Variants in RUNDC3B observed in about 807,000 individuals in gnomAD.
The protein encoded by RUNDC3B is RUN domain-containing protein 3B.
RUNDC3B carries 33 observed loss-of-function variants against 58.4 expected under a neutral mutation model. That is an observed-to-expected ratio of 0.56 (90% CI 0.43 to 0.75). The LOEUF is 0.75. Ranked by LOEUF, RUNDC3B falls within the 30% of genes least tolerant of loss-of-function variation. The pLI is 0.00. For missense variants in RUNDC3B, 501 were observed against 535.7 expected, an observed-to-expected ratio of 0.94 and a Z score of 0.64; for synonymous variants, 193 against 195.2, an observed-to-expected ratio of 0.99 and a Z score of 0.10.
At chr7:87,773,649 T>A (rs1219411917) in intron 7 of RUNDC3B, among the ~76,000 whole-genome samples, 1 of 141,114 alleles carries the variant, frequency 7.1e-6, no homozygotes, top group Non-Finnish European at 1.5e-5. Context: ...TGTTTTGTTT[T>A]TGTCTTGTCT....
chr7:87,810,722 G>A (rs907852933), intron 9 of RUNDC3B, among the ~76,000 whole-genome samples: 4 of 151,764 alleles, frequency 2.6e-5, no homozygotes, highest in African/African-American at 7.3e-5. Flanking sequence ...TTTATTTATC[G>A]ATCACTTAGA....
chr7:87,802,263 G>A (rs570850682), intron 8 of RUNDC3B, among the ~76,000 whole-genome samples: 10 of 152,078 alleles, frequency 6.6e-5, no homozygotes, highest in African/African-American at 2.2e-4. Flanking sequence ...CATGGTGGTT[G>A]CATGCTTGTA....
chr7:87,735,530 C>T (rs1240379421), intron 4 of RUNDC3B, among the ~76,000 whole-genome samples: 2 of 152,220 alleles, frequency 1.3e-5, no homozygotes, highest in Non-Finnish European at 2.9e-5. Flanking sequence ...GGTTTCCCTA[C>T]TCTAGCTGTG....
At chr7:87,741,648 C>T in intron 6 of RUNDC3B, 69 bp downstream of exon 6, 1 of 822,894 alleles carries the variant, frequency 1.2e-6, no homozygotes, top group South Asian at 1.7e-5. Context: ...CAATGTTTGT[C>T]TGATCAAAAC....
chr7:87,740,896 G>T (rs1832279635), intron 5 of RUNDC3B, among the ~76,000 whole-genome samples: 1 of 151,930 alleles, frequency 6.6e-6, no homozygotes, highest in African/African-American at 2.4e-5. Context: ...TTGTTTGTTT[G>T]TTGTTTTATT....
chr7:87,802,643 T>A (rs1486046127), intron 8 of RUNDC3B, among the ~76,000 whole-genome samples: 1 of 152,252 alleles, frequency 6.6e-6, no homozygotes, highest in Non-Finnish European at 1.5e-5. Flanking sequence ...GATTATTACA[T>A]GCCTCTGTCA....
chr7:87,628,771 T>C lies in RUNDC3B; in HGVS notation c.-53T>C, dbSNP rs1217036370. On this transcript the variant is annotated 5_prime_UTR_variant, in exon 1 of 11. Coordinates refer to ENST00000394654, the MANE Select transcript of RUNDC3B (RefSeq NM_001134405.2). ...GAGCGAGAACCCCCTTAAGCAGGTG[T>C]GGGGGGCGTGCGGGGTGGCACGAGA... 3 of 1,098,530 alleles carry C rather than the reference T, an allele frequency of 2.7e-6. No individual in the cohort carries two copies. The highest frequency in any genetic ancestry group is 3.2e-5 in the African/African-American group (2 of 61,626). 68.0% of individuals were successfully genotyped at this position (1,098,530 alleles called of 1,614,324 possible).
At chr7:87,671,678 AC>A (rs1825837796) in intron 2 of RUNDC3B, among the ~76,000 whole-genome samples, 1 of 152,096 alleles carries the variant, frequency 6.6e-6, no homozygotes, top group South Asian at 2.1e-4. Context: ...GGGAGGTCCC[AC>A]CCAGTAAGAA....
chr7:87,741,021 G>A (rs967351737), intron 5 of RUNDC3B, among the ~76,000 whole-genome samples: 3 of 151,830 alleles, frequency 2.0e-5, no homozygotes, highest in Non-Finnish European at 4.4e-5. Flanking sequence ...CCTGGCCAAC[G>A]TGGCGAAACC....
chr7:87,782,675 T>C (rs1834999952), intron 8 of RUNDC3B, among the ~76,000 whole-genome samples: 1 of 152,172 alleles, frequency 6.6e-6, no homozygotes, highest in Non-Finnish European at 1.5e-5. Context: ...CTCTTTTTCA[T>C]TTATTTTAAA....
chr7:87,661,563 C>T (rs1235800568), intron 2 of RUNDC3B, among the ~76,000 whole-genome samples: 1 of 151,706 alleles, frequency 6.6e-6, no homozygotes, highest in Non-Finnish European at 1.5e-5. Context: ...ACATAATGTC[C>T]TCCAGTTCCA....
chr7:87,829,513 GCTTT>G lies in RUNDC3B; in HGVS notation c.1226-371_1226-368del, dbSNP rs544132765. Among the ~76,000 whole-genome samples, 10 of 152,224 alleles carry G rather than the reference GCTTT, an allele frequency of 6.6e-5. No homozygotes were observed. In the South Asian group the frequency reaches 2.1e-3, roughly 32 times the overall value. ...AACATCAGATGGCTATACATGTGCA[GCTTT>G]ATTTCTGGGTTCTCTATTCTGTTCC... On this transcript the variant is annotated intron_variant, in intron 10 of 10. Coordinates refer to ENST00000394654, the MANE Select transcript of RUNDC3B (RefSeq NM_001134405.2).
intron 6 of RUNDC3B, among the ~76,000 whole-genome samples, chr7:87,746,154 G>T (rs558227000): frequency 3.1e-4 from 47 of 152,084 alleles, no homozygotes; most frequent in Non-Finnish European, 5.7e-4. Flanking sequence ...TTCCAATGTA[G>T]TCTGAGAGAG....
intron 4 of RUNDC3B, among the ~76,000 whole-genome samples, chr7:87,725,227 C>T (rs1831148093): frequency 6.6e-6 from 1 of 152,180 alleles, no homozygotes; most frequent in Non-Finnish European, 1.5e-5. Context: ...TCTCCTAATG[C>T]TTTCCCTCCC....
intron 9 of RUNDC3B, 133 bp downstream of exon 9, chr7:87,807,652 C>T (rs1026086471): frequency 1.5e-6 from 1 of 678,708 alleles, no homozygotes; most frequent in South Asian, 1.9e-5. Context: ...TTTCGGACTA[C>T]TTTGGTAAGG....
intron 4 of RUNDC3B, among the ~76,000 whole-genome samples, chr7:87,723,294 A>G (rs1268358583): frequency 6.6e-6 from 1 of 152,168 alleles, no homozygotes; most frequent in Non-Finnish European, 1.5e-5. Flanking sequence ...TAAAGACTAA[A>G]ATATTTGGAA....
chr7:87,715,033 A>C (rs974798441), intron 4 of RUNDC3B, among the ~76,000 whole-genome samples: 15 of 151,540 alleles, frequency 9.9e-5, no homozygotes, highest in African/African-American at 2.7e-4. Flanking sequence ...TTTATTCTGT[A>C]GCAATAGTTT....
At chr7:87,757,809 A>G (rs780375707) in intron 6 of RUNDC3B, among the ~76,000 whole-genome samples, 4 of 152,194 alleles carry the variant, frequency 2.6e-5, no homozygotes, top group Non-Finnish European at 4.4e-5. Context: ...AAAAATAGAC[A>G]TACAGACCAA....
Position 87,733,598 on chromosome 7 carries a change from G to C in RUNDC3B, c.459-6193G>C, listed in dbSNP as rs563771590. Among the ~76,000 whole-genome samples the C allele has an allele frequency of 8.5e-5, 13 of 152,296 alleles. 1 individual carries two copies. The highest frequency in any genetic ancestry group is 3.1e-4 in the African/African-American group (13 of 41,562). On this transcript the variant is annotated intron_variant, in intron 4 of 10. Coordinates refer to ENST00000394654, the MANE Select transcript of RUNDC3B (RefSeq NM_001134405.2). The stretch of plus-strand genomic sequence containing the variant: ...CCAACCTTTTTGGCAACAGGGACTG[G>C]TTTTGTGGAAGACAGTGTTTCCACG...
Sources: allele counts gnomAD v4.1 joint callset (sites outside exome capture counted in the v4.1 genomes callset), GRCh38; gene constraint gnomAD v4.1.1; transcripts MANE v1.5; gene names NCBI Gene and HGNC (gene_info 2026-07-23, HGNC 2026-07-21).